DCST1: variants seen among roughly 807,000 people sequenced by gnomAD.
DCST1 encodes E3 ubiquitin-protein ligase DCST1.
In DCST1, 78 loss-of-function variants were observed where a neutral mutation model predicts 89.1. The observed-to-expected ratio is 0.88, with a 90% CI of 0.73 to 1.06. DCST1 has a LOEUF of 1.06. Among genes scored for constraint, DCST1 ranks in the 50% least tolerant of loss-of-function variants. The probability of loss-of-function intolerance (pLI) is 0.00; values close to 1 mark genes in which losing one functional copy is unlikely to be tolerated. For synonymous variants in DCST1, 364 were observed against 371.9 expected, an observed-to-expected ratio of 0.98 and a Z score of 0.24; for missense variants, 900 against 928.6, an observed-to-expected ratio of 0.97 and a Z score of 0.40.
Position 155,040,043 on chromosome 1 carries a change from C to G in DCST1, c.392-442C>G, listed in dbSNP as rs112999900. ...AAAAAGGCCAGGCACGGTGGCTCACCTGTAATCCCAGAACTGTGGGAGGCC... is the reference window on the plus strand; with the variant it reads ...AAAAAGGCCAGGCACGGTGGCTCACGTGTAATCCCAGAACTGTGGGAGGCC... On this transcript the variant is annotated intron_variant, in intron 5 of 16. Transcript: ENST00000295542. Among the ~76,000 whole-genome samples, 983 of 142,218 alleles carry G rather than the reference C, an allele frequency of 6.9e-3. 10 individuals are homozygous for G. The highest frequency in any genetic ancestry group is 0.024 in the African/African-American group (920 of 37,862). 93.3% of individuals were successfully genotyped at this position (142,218 alleles called of 152,430 possible). A position where few individuals can be genotyped will look rare whatever the true frequency, so the allele number is the denominator to read the frequency against.
At position 155,036,831 on chromosome 1, in the gene DCST1, C is replaced by T. The variant is rs1012561162; in HGVS notation, c.262+2104C>T. 1.3e-5 allele frequency among the ~76,000 whole-genome samples: 2 copies of T among 152,252 alleles called. 1 individual carries two copies. Among genetic ancestry groups the T allele is most frequent in the Admixed American group, 1.3e-4 (2 of 15,290 alleles). On this transcript the variant is annotated intron_variant, in intron 4 of 16. Coordinates refer to ENST00000295542, the MANE Select transcript of DCST1 (RefSeq NM_152494.4). Reference sequence around the variant, plus strand: ...TTTGGCTGACCTCGAGTGAAGCCCCCCTTCAGGGGCCACCCACAGCCTCTT... The same window carrying T: ...TTTGGCTGACCTCGAGTGAAGCCCCTCTTCAGGGGCCACCCACAGCCTCTT...
intron 10 of DCST1, among the ~76,000 whole-genome samples, chr1:155,043,941 C>A (rs1240508926): frequency 2.0e-5 from 3 of 152,244 alleles, no homozygotes; most frequent in Non-Finnish European, 4.4e-5. Flanking sequence ...CCACCCAGCC[C>A]AGTGTCCAGC....
rs759246945 is a variant in DCST1 at position 155,050,754 on chromosome 1, C to G, written c.2007C>G (p.Tyr669Ter). 6.2e-7 allele frequency: 1 copy of G among 1,611,494 alleles called. No individual in the cohort carries two copies. Among genetic ancestry groups the G allele is most frequent in the Non-Finnish European group, 8.5e-7 (1 of 1,179,100 alleles). The change falls in exon 17 of 17, where the codon TAC (tyrosine) becomes TAG (stop). Residue 669 changes from tyrosine to a stop codon, truncating the protein, a stop_gained. Transcript: ENST00000295542. LOFTEE classifies it high-confidence loss of function. ...GGACGCTGGACTGCGAGGCCGTGTA[C>G]TGCTGGTCGTGCTGGGACGACATGC... ...VCRTLDCEAV[Y>*]CWSCWDDMRQ...
chr1:155,047,680 C>A, intron 14 of DCST1, 107 bp from the exon 15 acceptor site: 2 of 980,696 alleles, frequency 2.0e-6, no homozygotes, highest in Non-Finnish European at 3.1e-6. Context: ...AGGAGGAGAG[C>A]AGGGGAATCA....
At position 155,040,621 on chromosome 1, in the gene DCST1, G is replaced by A; in HGVS notation, c.528G>A (p.Leu176=). The change falls in exon 6 of 17, where the codon CTG becomes CTA. Residue 176 remains leucine (L), a synonymous_variant. Transcript: ENST00000295542. ...TAPLRAMFKD[L]LSSKELLRAE... ...CCTTACGGGCCATGTTCAAGGACCT[G>A]CTGGTCAGGAATCTGCACAGGCAGA... is the stretch of plus-strand genomic sequence containing the variant. The A allele has an allele frequency of 6.4e-7, 1 of 1,572,848 alleles. No homozygotes were observed.
chr1:155,050,686 G>GT lies in DCST1; in HGVS notation c.1940dup (p.Val648GlyfsTer49). ...GCGCCGCTGGCTGTGCCGGCGCTGC[G>GT]TGGTGTGCCAGGCACCCGAGACGCC... On this transcript the variant is annotated frameshift_variant, in exon 17 of 17. Coordinates refer to ENST00000295542, the MANE Select transcript of DCST1 (RefSeq NM_152494.4). LOFTEE classifies it high-confidence loss of function. The GT allele has an allele frequency of 6.2e-7, 1 of 1,604,336 alleles. No individual in the cohort carries two copies.
Sources: allele counts gnomAD v4.1 joint callset (sites outside exome capture counted in the v4.1 genomes callset), GRCh38; gene constraint gnomAD v4.1.1; transcripts MANE v1.5; gene names NCBI Gene and HGNC (gene_info 2026-07-23, HGNC 2026-07-21).